NCKAP5: variants seen among roughly 807,000 people sequenced by gnomAD.
NCKAP5 encodes the protein NCK associated protein 5, also known as nck-associated protein 5.
Under a neutral mutation model 167.0 loss-of-function variants are expected in NCKAP5, and 92 were observed. The ratio of observed to expected loss-of-function variants is 0.55; its 90% CI spans 0.47 to 0.66. The LOEUF (loss-of-function observed/expected upper bound fraction) is 0.66, where lower values mean the gene tolerates loss of function less well. NCKAP5 is among the 30% of genes least tolerant of loss of function. The probability of loss-of-function intolerance (pLI) is 0.00; values close to 1 mark genes in which losing one functional copy is unlikely to be tolerated. For missense variants in NCKAP5, 2,378 were observed against 2,315.0 expected (o/e 1.03, Z -0.56); for synonymous variants, 891 against 877.4 (o/e 1.02, Z -0.27).
At chr2:132,876,307 A>G (rs963954121) in intron 9 of NCKAP5, among the ~76,000 whole-genome samples, 1 of 152,078 alleles carries the variant, frequency 6.6e-6, no homozygotes, top group African/African-American at 2.4e-5. Context: ...TGTGTTGCCC[A>G]GACCGGTCTT....
chr2:133,134,838 G>T (rs567812717), intron 5 of NCKAP5, among the ~76,000 whole-genome samples: 5 of 152,248 alleles, frequency 3.3e-5, no homozygotes, highest in Non-Finnish European at 4.4e-5. Context: ...GTATCAAAAG[G>T]TCCTTTCTAC....
intron 6 of NCKAP5, among the ~76,000 whole-genome samples, chr2:133,063,626 T>A (rs1479949806): frequency 6.6e-6 from 1 of 152,302 alleles, no homozygotes; most frequent in Admixed American, 6.5e-5. Flanking sequence ...ACTGCTGGCC[T>A]CTTTGTTCTA....
intron 5 of NCKAP5, among the ~76,000 whole-genome samples, chr2:133,192,147 A>G (rs1234176914): frequency 1.3e-5 from 2 of 152,088 alleles, no homozygotes; most frequent in Admixed American, 6.6e-5. Context: ...ACCTGCATGA[A>G]TAAGTCCAAC....
chr2:133,142,880 T>A (rs1416874376), intron 5 of NCKAP5, among the ~76,000 whole-genome samples: 1 of 152,188 alleles, frequency 6.6e-6, no homozygotes. Flanking sequence ...GTTTTGCATT[T>A]GGACCAGTTA....
At position 132,814,726 on chromosome 2, in the gene NCKAP5, T is replaced by A. The variant is rs549126021; in HGVS notation, c.808-17997A>T. ...GCAAATCTTCTGAGTTGACTAAAGA[T>A]GAGACTGTAACATCTCAGAGAAAAG... On this transcript the variant is annotated intron_variant, in intron 11 of 19. Coordinates refer to ENST00000409261, the MANE Select transcript of NCKAP5 (RefSeq NM_207363.3). Among the ~76,000 whole-genome samples, 8 of 152,236 alleles carry A rather than the reference T, an allele frequency of 5.3e-5. 1 individual carries two copies. In the South Asian group the frequency reaches 1.0e-3, roughly 20 times the overall value.
chr2:132,740,179 A>G (rs1313639738), intron 16 of NCKAP5, among the ~76,000 whole-genome samples: 4 of 152,218 alleles, frequency 2.6e-5, no homozygotes, highest in African/African-American at 7.2e-5. Flanking sequence ...CCACACAGCC[A>G]TAAAAGTTTC....
upstream of NCKAP5, among the ~76,000 whole-genome samples, chr2:133,573,240 C>T (rs1236540668): frequency 6.6e-6 from 1 of 152,306 alleles, no homozygotes; most frequent in African/African-American, 2.4e-5. Context: ...CAACAAAGTT[C>T]AGATTACTCC....
intron 6 of NCKAP5, among the ~76,000 whole-genome samples, chr2:133,071,648 C>T (rs1020304862): frequency 6.6e-6 from 1 of 152,182 alleles, no homozygotes; most frequent in Non-Finnish European, 1.5e-5. Flanking sequence ...TGCAGGTTCT[C>T]CTATTCTTTC....
intron 4 of NCKAP5, among the ~76,000 whole-genome samples, chr2:133,250,028 A>ATTATTATTATTC (rs1376525791): frequency 1.3e-5 from 2 of 148,172 alleles, no homozygotes; most frequent in African/African-American, 4.9e-5. Context: ...TATTATTATT[A>ATTATTATTATTC]TTATTATTTT....
chr2:133,505,835 T>A (rs985948530), intron 3 of NCKAP5, among the ~76,000 whole-genome samples: 1 of 152,238 alleles, frequency 6.6e-6, no homozygotes. Flanking sequence ...GCTACTTCTA[T>A]ATTTGATAGA....
intron 11 of NCKAP5, among the ~76,000 whole-genome samples, chr2:132,845,993 C>T (rs1467677510): frequency 1.3e-5 from 2 of 151,864 alleles, no homozygotes; most frequent in Non-Finnish European, 2.9e-5. Context: ...TTACATATTT[C>T]TTATTAGGTT....
intron 3 of NCKAP5, among the ~76,000 whole-genome samples, chr2:133,399,669 A>G (rs1687976521): frequency 6.6e-6 from 1 of 152,216 alleles, no homozygotes; most frequent in Non-Finnish European, 1.5e-5. Context: ...ATATTTAGAA[A>G]TATGTGTAGG....
chr2:132,736,587 T>C (rs1338138418), intron 16 of NCKAP5, among the ~76,000 whole-genome samples: 1 of 151,546 alleles, frequency 6.6e-6, no homozygotes, highest in Non-Finnish European at 1.5e-5. Context: ...GAGACCATCC[T>C]GGCCCACATG....
chr2:132,950,047 T>C (rs2076138623), intron 8 of NCKAP5, among the ~76,000 whole-genome samples: 1 of 152,164 alleles, frequency 6.6e-6, no homozygotes, highest in Admixed American at 6.5e-5. Context: ...TGAGCCGAGA[T>C]CATGCCACTG....
chr2:133,666,059 G>A, the NCKAP5 span, among the ~76,000 whole-genome samples: 1 of 151,606 alleles, frequency 6.6e-6, no homozygotes, highest in Non-Finnish European at 1.5e-5. Context: ...TCTAGCTTTT[G>A]TTTGTATGCA....
intron 3 of NCKAP5, among the ~76,000 whole-genome samples, chr2:133,450,117 A>G (rs1559493539): frequency 6.6e-6 from 1 of 152,028 alleles, no homozygotes; most frequent in East Asian, 1.9e-4. Flanking sequence ...CCTCTTCTCA[A>G]CACACACGCA....
chr2:132,921,083 A>T (rs146697252), intron 8 of NCKAP5, among the ~76,000 whole-genome samples: 25 of 151,876 alleles, frequency 1.6e-4, no homozygotes, highest in African/African-American at 5.6e-4. Context: ...ATTCCCAGAG[A>T]GGATCTTCTC....
intron 3 of NCKAP5, among the ~76,000 whole-genome samples, chr2:133,303,990 G>C (rs1680594087): frequency 6.6e-6 from 1 of 152,046 alleles, no homozygotes; most frequent in East Asian, 1.9e-4. Context: ...CTACCGTGCA[G>C]GCCTCTGCTT....
intron 3 of NCKAP5, among the ~76,000 whole-genome samples, chr2:133,487,207 C>A (rs895884851): frequency 3.2e-4 from 49 of 152,072 alleles, no homozygotes; most frequent in African/African-American, 1.1e-3. Flanking sequence ...TCAAAAATAG[C>A]ACAGGAAGAG....
Sources: allele counts gnomAD v4.1 joint callset (sites outside exome capture counted in the v4.1 genomes callset), GRCh38; gene constraint gnomAD v4.1.1; transcripts MANE v1.5; gene names NCBI Gene and HGNC (gene_info 2026-07-23, HGNC 2026-07-21).